The following REXO1 variants were observed in gnomAD, a reference collection of about 807,000 sequenced individuals.
The protein encoded by REXO1 is RNA exonuclease 1 homolog.
In REXO1, 42 loss-of-function variants were observed where a neutral mutation model predicts 102.6. The observed-to-expected ratio is 0.41, with a 90% CI of 0.32 to 0.53. The LOEUF (loss-of-function observed/expected upper bound fraction) is 0.53. REXO1 is among the 20% of genes least tolerant of loss of function. The probability of loss-of-function intolerance (pLI) is 0.27; values close to 1 mark genes in which losing one functional copy is unlikely to be tolerated. For missense variants in REXO1, 1,819 were observed against 1,732.5 expected (o/e 1.05, Z -0.89); for synonymous variants, 908 against 779.1 (o/e 1.17, Z -2.76).
intron 7 of REXO1, 35 bp downstream of exon 7, chr19:1,819,899 C>T (rs1568683603): frequency 6.5e-7 from 1 of 1,532,798 alleles, no homozygotes; most frequent in Non-Finnish European, 8.7e-7. Flanking sequence ...CCAAGAGCAA[C>T]CCTGAGCCTC....
intron 1 of REXO1, among the ~76,000 whole-genome samples, chr19:1,844,257 G>A (rs1353012153): frequency 1.3e-5 from 2 of 152,258 alleles, no homozygotes; most frequent in Admixed American, 1.3e-4. Context: ...TCCCGGCGCT[G>A]GGCCTCAGTT....
intron 10 of REXO1, 114 bp from the exon 11 acceptor site, chr19:1,817,894 G>A: frequency 2.5e-6 from 2 of 791,174 alleles, no homozygotes; most frequent in South Asian, 3.2e-5. Flanking sequence ...CTGAGGACAG[G>A]AGGCCTCAGC....
intron 12 of REXO1, 158 bp downstream of exon 12, chr19:1,817,061 G>A (rs2069387978): frequency 1.1e-6 from 1 of 888,250 alleles, no homozygotes; most frequent in South Asian, 1.7e-5. Context: ...GGAAGTATGG[G>A]GTGTTGGTCC....
intron 1 of REXO1, among the ~76,000 whole-genome samples, chr19:1,846,864 G>A (rs764181768): frequency 3.9e-5 from 6 of 152,326 alleles, no homozygotes; most frequent in Non-Finnish European, 8.8e-5. Flanking sequence ...CTGCACTCCA[G>A]CCTGGACTAT....
chr19:1,840,391 C>T (rs527323628), intron 1 of REXO1, among the ~76,000 whole-genome samples: 9 of 152,190 alleles, frequency 5.9e-5, no homozygotes, highest in Non-Finnish European at 1.3e-4. Flanking sequence ...CTGAGAATCG[C>T]AGACTGCCCA....
At chr19:1,817,562 C>A in intron 11 of REXO1, 145 bp downstream of exon 11, 2 of 1,446,100 alleles carry the variant, frequency 1.4e-6, no homozygotes, top group Non-Finnish European at 1.8e-6. Flanking sequence ...ACGGGTGCTA[C>A]GTTCTCTGGG....
chr19:1,827,929 G>A lies in REXO1; in HGVS notation c.860C>T (p.Ser287Leu). Reference protein sequence around the residue: ...DPFGSCDARFSDSEDEAATVP... With the variant: ...DPFGSCDARFLDSEDEAATVP... ...CGTGGCGGCCTCATCTTCTGAGTCT[G>A]AGAACCTTGCATCGCAACTGCCAAA... Residue 287 changes from serine to leucine, a missense_variant, in exon 2 of 16, where the codon TCA (serine) becomes TTA (leucine). Physicochemically the swap from Ser to Leu is moderately radical, Grantham distance 145. Coordinates refer to ENST00000170168, the MANE Select transcript of REXO1 (RefSeq NM_020695.4). 6.2e-7 allele frequency: 1 copy of A among 1,613,762 alleles called. No homozygotes were observed. Among genetic ancestry groups the A allele is most frequent in the Non-Finnish European group, 8.5e-7 (1 of 1,179,884 alleles).
At chr19:1,818,063 GGCC>G (rs750595383) in intron 10 of REXO1, among the ~76,000 whole-genome samples, 8 of 152,204 alleles carry the variant, frequency 5.3e-5, no homozygotes, top group Non-Finnish European at 1.0e-4. Context: ...TGGCTTTAGG[GGCC>G]GCCACAGGGC....
intron 6 of REXO1, 85 bp downstream of exon 6, chr19:1,820,179 G>A (rs1035054227): frequency 1.1e-5 from 17 of 1,559,728 alleles, no homozygotes; most frequent in Middle Eastern, 1.7e-4. Context: ...TCACAGCTGC[G>A]GCTGAGAGGC....
At chr19:1,833,587 G>A (rs890393994) in intron 1 of REXO1, among the ~76,000 whole-genome samples, 40 of 152,154 alleles carry the variant, frequency 2.6e-4, no homozygotes, top group Admixed American at 7.9e-4. Context: ...GGAAACGGCC[G>A]GCTGGGGCTG....
intron 1 of REXO1, among the ~76,000 whole-genome samples, chr19:1,846,350 T>A (rs1041155063): frequency 2.0e-5 from 3 of 152,172 alleles, no homozygotes; most frequent in African/African-American, 7.2e-5. Flanking sequence ...GGATCCTGCC[T>A]TCTGCGGGGG....
At position 1,827,836 on chromosome 19, in the gene REXO1, G is replaced by T. The variant is rs1407748178; in HGVS notation, c.953C>A (p.Thr318Asn). The T allele has an allele frequency of 1.9e-6, 3 of 1,611,858 alleles. No individual in the cohort carries two copies. Among genetic ancestry groups the T allele is most frequent in the Non-Finnish European group, 2.5e-6 (3 of 1,179,630 alleles). ...KARADPEIKA[T>N]GQPPSKEGLE... The stretch of plus-strand genomic sequence containing the variant: ...GCCCTCTTTGGAGGGTGGCTGCCCG[G>T]TGGCCTTGATCTCAGGGTCGGCCCT... The change falls in exon 2 of 16, where the codon ACC becomes AAC. Residue 318 changes from threonine (T) to asparagine (N), a missense_variant. Coordinates refer to ENST00000170168, the MANE Select transcript of REXO1 (RefSeq NM_020695.4).
chr19:1,826,853 C>A lies in REXO1; in HGVS notation c.1911+25G>T. On this transcript the variant is annotated intron_variant, in intron 2 of 15. Transcript: ENST00000170168. The surrounding 1 kb of genome is among the most constrained non-coding windows in gnomAD (Gnocchi z 4.3). ...CCTCGGCTCTGCCTCTGCCCGAGCC[C>A]AGCCCCAGCACCCGCGCGCCTCACC... 6.4e-7 allele frequency: 1 copy of A among 1,558,172 alleles called. No individual in the cohort carries two copies. Among genetic ancestry groups the A allele is most frequent in the East Asian group, 2.4e-5 (1 of 42,038 alleles).
At chr19:1,833,264 G>A (rs975628557) in intron 1 of REXO1, among the ~76,000 whole-genome samples, 1 of 152,188 alleles carries the variant, frequency 6.6e-6, no homozygotes, top group South Asian at 2.1e-4. Flanking sequence ...ACAAGAGGAA[G>A]GATCCGTGTG....
At chr19:1,838,197 A>C (rs2070097334) in intron 1 of REXO1, among the ~76,000 whole-genome samples, 1 of 151,356 alleles carries the variant, frequency 6.6e-6, no homozygotes. Context: ...GGTGCCTATA[A>C]CCCCAGCTAC....
chr19:1,817,639 C>A, intron 11 of REXO1, 68 bp downstream of exon 11: 1 of 1,527,428 alleles, frequency 6.5e-7, no homozygotes, highest in East Asian at 2.4e-5. Flanking sequence ...CCCGAGACCC[C>A]ACACCAACGA....
intron 1 of REXO1, among the ~76,000 whole-genome samples, chr19:1,847,382 TG>T (rs2145348410): frequency 6.6e-6 from 1 of 152,324 alleles, no homozygotes; most frequent in East Asian, 1.9e-4. Context: ...TGAGGAAATC[TG>T]GGACGAAGGA....
At chr19:1,821,927 G>A in intron 4 of REXO1, 1 of 573,096 alleles carries the variant, frequency 1.7e-6, no homozygotes, top group Non-Finnish European at 3.0e-6. Flanking sequence ...CACCGGTGGG[G>A]TGGTCCAGGC....
At chr19:1,833,022 G>C (rs2145303328) in intron 1 of REXO1, among the ~76,000 whole-genome samples, 1 of 151,708 alleles carries the variant, frequency 6.6e-6, no homozygotes, top group South Asian at 2.1e-4. Flanking sequence ...TTGAGTTCAA[G>C]ACCAGCCTAG....
Sources: allele counts gnomAD v4.1 joint callset (sites outside exome capture counted in the v4.1 genomes callset), GRCh38; gene constraint gnomAD v4.1.1; non-coding constraint Gnocchi (gnomAD v3.1); transcripts MANE v1.5; gene names NCBI Gene and HGNC (gene_info 2026-07-23, HGNC 2026-07-21).